WDR91: variants seen among roughly 807,000 people sequenced by gnomAD.
WDR91 encodes the protein WD repeat domain 91, also known as WD repeat-containing protein 91.
In WDR91, 52 loss-of-function variants were observed where a neutral mutation model predicts 88.4. That is an observed-to-expected ratio of 0.59 (90% CI 0.47 to 0.74). The LOEUF (loss-of-function observed/expected upper bound fraction) is 0.74, where lower values mean the gene tolerates loss of function less well. WDR91 is among the 30% of genes least tolerant of loss of function. WDR91 has a pLI of 0.00. For synonymous variants in WDR91, 362 were observed against 389.5 expected (o/e 0.93, Z 0.83); for missense variants, 824 against 954.5 (o/e 0.86, Z 1.80).
At chr7:135,191,418 A>C (rs1831158211) in intron 11 of WDR91, among the ~76,000 whole-genome samples, 1 of 152,122 alleles carries the variant, frequency 6.6e-6, no homozygotes, top group African/African-American at 2.4e-5. Context: ...GACCTGGCCA[A>C]CATGGTGAAA....
At chr7:135,206,081 T>C (rs774663957) in intron 4 of WDR91, 23 bp from the exon 5 acceptor site, 2 of 1,614,040 alleles carry the variant, frequency 1.2e-6, no homozygotes, top group South Asian at 2.2e-5. Flanking sequence ...GGGACTGAGT[T>C]AGCCAATGAT....
chr7:135,211,514 C>G lies in WDR91; in HGVS notation c.-12G>C. On this transcript the variant is annotated 5_prime_UTR_variant, in exon 1 of 15. Coordinates refer to ENST00000354475, the MANE Select transcript of WDR91 (RefSeq NM_014149.4). ...ACGGCCTCCGCCATCGCAGCGCTAG[C>G]GTCTTTAGGGGTGGTGCGGTGAGGG... is the stretch of plus-strand genomic sequence containing the variant. The G allele has an allele frequency of 6.2e-7, 1 of 1,608,440 alleles. No individual in the cohort carries two copies. The highest frequency in any genetic ancestry group is 8.5e-7 in the Non-Finnish European group (1 of 1,178,742).
chr7:135,186,869 G>T, intron 14 of WDR91, 103 bp downstream of exon 14: 3 of 1,367,640 alleles, frequency 2.2e-6, no homozygotes, highest in Non-Finnish European at 1.0e-6. Context: ...CAGCCATGCA[G>T]CTCGGGGTAG....
In WDR91 at chr7:135,193,340, G is replaced by A. The variant is rs750517314; in HGVS notation, c.1550C>T (p.Pro517Leu). ...GAAGTCCACCTGGGAAGTGAGGCTC[G>A]GAGCTGCTGCCGAACAGACGAAAGA... ...GASFVCSAAA[P>L]SLTSQVDFSA... is the part of the protein sequence containing the mutation. Residue 517 changes from proline (P) to leucine (L), a missense_variant, in exon 11 of 15, where the codon CCG (proline) becomes CTG (leucine). Physicochemically the swap from Pro to Leu is moderately conservative, Grantham distance 98. Transcript: ENST00000354475. The A allele has an allele frequency of 1.5e-5, 25 of 1,614,074 alleles. No individual in the cohort carries two copies. The highest frequency in any genetic ancestry group is 9.9e-5 in the South Asian group (9 of 91,076).
At chr7:135,200,593 C>A (rs1478994197) in intron 6 of WDR91, among the ~76,000 whole-genome samples, 1 of 152,208 alleles carries the variant, frequency 6.6e-6, no homozygotes, top group Non-Finnish European at 1.5e-5. Flanking sequence ...GACTGATGGA[C>A]AGATGAAATA....
intron 6 of WDR91, chr7:135,201,357 A>T (rs1199358493): frequency 1.2e-4 from 2 of 16,276 alleles, no homozygotes; most frequent in East Asian, 1.2e-3. Flanking sequence ...TTTCCACTAA[A>T]AAAAAAAAAA....
chr7:135,194,906 G>A (rs753391775), intron 9 of WDR91, 28 bp downstream of exon 9: 10 of 1,612,038 alleles, frequency 6.2e-6, no homozygotes, highest in Non-Finnish European at 8.5e-6. Flanking sequence ...AGCCAGCAAA[G>A]CGGGCCCCAC....
chr7:135,199,176 T>G (rs2117677819), intron 6 of WDR91: 1 of 152,318 alleles, frequency 6.6e-6, no homozygotes, highest in East Asian at 1.9e-4. Flanking sequence ...TTTAAAATGA[T>G]TAACATGGAT....
intron 4 of WDR91, among the ~76,000 whole-genome samples, 187 bp from the exon 5 acceptor site, chr7:135,206,245 G>C (rs1469868355): frequency 6.6e-6 from 1 of 152,106 alleles, no homozygotes; most frequent in African/African-American, 2.4e-5. Flanking sequence ...ACAACAATGA[G>C]GTGAGAAAAC....
intron 5 of WDR91, 142 bp downstream of exon 5, chr7:135,205,786 A>C: frequency 8.1e-7 from 1 of 1,235,410 alleles, no homozygotes; most frequent in Non-Finnish European, 1.1e-6. Context: ...GCTCTCAAGC[A>C]AGAGCAGTGT....
chr7:135,196,224 T>TCCAC lies in WDR91; in HGVS notation c.1160_1163dup (p.Gly389TrpfsTer92). ...TAAAGGGCTGCTCGGGGCGGACTCC[T>TCCAC]CCACCCTCAGGGCCTGCCGAGGATG... On this transcript the variant is annotated frameshift_variant, in exon 8 of 15. Transcript: ENST00000354475. LOFTEE classifies it high-confidence loss of function. The surrounding 1 kb of genome is among the most constrained non-coding windows in gnomAD (Gnocchi z 4.2). 1.2e-6 allele frequency: 2 copies of TCCAC among 1,612,046 alleles called. No homozygotes were observed. Among genetic ancestry groups the TCCAC allele is most frequent in the Non-Finnish European group, 1.7e-6 (2 of 1,179,010 alleles).
At chr7:135,207,336 C>T (rs746278891) in intron 3 of WDR91, 134 bp from the exon 4 acceptor site, 17 of 737,846 alleles carry the variant, frequency 2.3e-5, no homozygotes, top group South Asian at 1.6e-4. Flanking sequence ...TGGGCTCTTG[C>T]GGGCTTAATG....
Position 135,189,427 on chromosome 7 carries a change from G to A in WDR91, c.1685C>T (p.Pro562Leu), listed in dbSNP as rs1481481458. The A allele has an allele frequency of 2.5e-6, 4 of 1,613,808 alleles. No homozygotes were observed. The African/African-American group carries it at 4.0e-5, about 16-fold the overall frequency. ...QQLQFSLDPE[P>L]IAINCTAFNH... ...GAAGGCTGTACAGTTGATAGCAATG[G>A]GTTCTGGATCCAGGGAGAACTGGAG... Residue 562 changes from proline (P) to leucine (L), a missense_variant, in exon 12 of 15, where the codon CCC becomes CTC. Pro to Leu is a moderately conservative substitution (Grantham distance 98). Transcript: ENST00000354475.
At chr7:135,210,059 G>GT (rs1473977708) in intron 1 of WDR91, among the ~76,000 whole-genome samples, 6 of 152,152 alleles carry the variant, frequency 3.9e-5, no homozygotes, top group African/African-American at 1.4e-4. Flanking sequence ...CAATTTGGCA[G>GT]TGTCATCAGG....
chr7:135,194,838 G>A, intron 9 of WDR91, 96 bp downstream of exon 9: 2 of 1,500,906 alleles, frequency 1.3e-6, no homozygotes, highest in Admixed American at 3.6e-5. Flanking sequence ...GAAGGGAGGG[G>A]AACTGGCTTG....
intron 6 of WDR91, 36 bp downstream of exon 6, chr7:135,204,232 C>A: frequency 6.2e-7 from 1 of 1,606,042 alleles, no homozygotes; most frequent in Non-Finnish European, 8.5e-7. Flanking sequence ...TCACGGCCTT[C>A]TTGGCCAGAG....
In WDR91 at chr7:135,189,462, T is replaced by C. The variant is rs749058816; in HGVS notation, c.1660-10A>G. On this transcript the variant is annotated splice_polypyrimidine_tract_variant and intron_variant, in intron 11 of 14. Transcript: ENST00000354475. ...CCAGGGAGAACTGGAGCTATTGAAATAAAACAAAAATGTCAGTAGCAGATC... is the reference window on the plus strand; with the variant it reads ...CCAGGGAGAACTGGAGCTATTGAAACAAAACAAAAATGTCAGTAGCAGATC... 29 of 1,611,334 alleles carry C rather than the reference T, an allele frequency of 1.8e-5. 1 individual carries two copies. Among genetic ancestry groups the C allele is most frequent in the Non-Finnish European group, 2.2e-5 (26 of 1,177,988 alleles).
At chr7:135,205,691 C>T (rs1476416593) in intron 5 of WDR91, among the ~76,000 whole-genome samples, 1 of 152,238 alleles carries the variant, frequency 6.6e-6, no homozygotes, top group Admixed American at 6.5e-5. Context: ...ACCCAGGAGG[C>T]AGAAGTTGCT....
intron 6 of WDR91, among the ~76,000 whole-genome samples, chr7:135,203,713 C>G (rs1282987009): frequency 6.6e-6 from 1 of 152,200 alleles, no homozygotes; most frequent in Non-Finnish European, 1.5e-5. Flanking sequence ...GCCACCAAAA[C>G]AGTCATAAGC....
Sources: gnomAD v4.1 joint callset for allele counts (sites outside exome capture counted in the v4.1 genomes callset) on GRCh38, gnomAD v4.1.1 for gene constraint, Gnocchi (gnomAD v3.1) non-coding constraint, MANE v1.5 for transcripts, NCBI Gene and HGNC (gene_info 2026-07-23, HGNC 2026-07-21) for gene names.